Variants in AGBL4 observed in about 807,000 individuals in gnomAD.
AGBL4 encodes AGBL carboxypeptidase 4.
Under a neutral mutation model 66.4 loss-of-function variants are expected in AGBL4, and 58 were observed. The observed-to-expected ratio is 0.87, with a 90% CI of 0.71 to 1.09. The LOEUF (loss-of-function observed/expected upper bound fraction) is 1.09. AGBL4 is among the 50% of genes least tolerant of loss of function. The pLI is 0.00. For missense variants in AGBL4, 579 were observed against 631.0 expected, an observed-to-expected ratio of 0.92 and a Z score of 0.88; for synonymous variants, 234 against 222.9, an observed-to-expected ratio of 1.05 and a Z score of -0.44.
chr1:49,188,701 A>T (rs2148201902), intron 4 of AGBL4, among the ~76,000 whole-genome samples: 1 of 152,292 alleles, frequency 6.6e-6, no homozygotes, highest in African/African-American at 2.4e-5. Flanking sequence ...AACTTGGTAC[A>T]TCAGTAAGAC....
intron 3 of AGBL4, chr1:49,691,666 G>C (rs1646888538): frequency 6.6e-6 from 1 of 152,214 alleles, no homozygotes; most frequent in African/African-American, 2.4e-5. Flanking sequence ...TCCTGGGTGT[G>C]TCTGTGAGGA....
At chr1:48,924,694 T>C (rs1311090392) in intron 5 of AGBL4, among the ~76,000 whole-genome samples, 1 of 152,038 alleles carries the variant, frequency 6.6e-6, no homozygotes, top group Non-Finnish European at 1.5e-5. Context: ...CATATCCAAC[T>C]GTAGTATAAT....
At chr1:48,846,543 G>T (rs1233056496) in intron 6 of AGBL4, among the ~76,000 whole-genome samples, 4 of 152,072 alleles carry the variant, frequency 2.6e-5, no homozygotes, top group Non-Finnish European at 5.9e-5. Flanking sequence ...CTCTTATATT[G>T]CTTCATTGCC....
At chr1:49,483,034 T>C (rs573702529) in intron 3 of AGBL4, among the ~76,000 whole-genome samples, 1 of 152,016 alleles carries the variant, frequency 6.6e-6, no homozygotes, top group Non-Finnish European at 1.5e-5. Context: ...GTTTTATTTC[T>C]GATTATGTGA....
chr1:49,087,873 G>A (rs944458550), intron 4 of AGBL4, among the ~76,000 whole-genome samples: 3 of 152,176 alleles, frequency 2.0e-5, no homozygotes, highest in African/African-American at 7.2e-5. Flanking sequence ...AACCTCACCA[G>A]GCTAACAGAG....
intron 8 of AGBL4, among the ~76,000 whole-genome samples, chr1:48,652,572 T>C (rs1176797994): frequency 6.6e-6 from 1 of 152,104 alleles, no homozygotes; most frequent in Non-Finnish European, 1.5e-5. Context: ...ATCTTGAAAG[T>C]CGTGGGCCGA....
At chr1:49,393,376 A>C (rs1273034475) in intron 3 of AGBL4, among the ~76,000 whole-genome samples, 1 of 152,194 alleles carries the variant, frequency 6.6e-6, no homozygotes, top group Non-Finnish European at 1.5e-5. Context: ...AAGATTGTAC[A>C]ATCTGGTGCA....
At chr1:49,365,375 C>A (rs539314517) in intron 3 of AGBL4, among the ~76,000 whole-genome samples, 1 of 151,914 alleles carries the variant, frequency 6.6e-6, no homozygotes, top group Non-Finnish European at 1.5e-5. Context: ...ACAATAACAA[C>A]ATATACCACT....
At chr1:49,435,304 C>G (rs1645879777) in intron 3 of AGBL4, among the ~76,000 whole-genome samples, 1 of 152,122 alleles carries the variant, frequency 6.6e-6, no homozygotes, top group Non-Finnish European at 1.5e-5. Context: ...CAATATGGAG[C>G]ATAAAAATAA....
At chr1:48,565,121 A>T (rs1026136480) in intron 11 of AGBL4, among the ~76,000 whole-genome samples, 3 of 152,222 alleles carry the variant, frequency 2.0e-5, no homozygotes, top group Non-Finnish European at 4.4e-5. Flanking sequence ...GTTATTAATC[A>T]GTATCTTAAT....
At chr1:49,288,885 A>T (rs906401800) in intron 3 of AGBL4, among the ~76,000 whole-genome samples, 3 of 152,224 alleles carry the variant, frequency 2.0e-5, no homozygotes, top group Non-Finnish European at 4.4e-5. Context: ...CTGGTAAAAA[A>T]AAATTAAATC....
chr1:49,040,136 T>A (rs1425959698), intron 5 of AGBL4, among the ~76,000 whole-genome samples: 2 of 151,998 alleles, frequency 1.3e-5, no homozygotes, highest in African/African-American at 4.8e-5. Context: ...AAAACTCTTA[T>A]GAGAACCCAG....
At chr1:49,119,038 G>A (rs1025960146) in intron 4 of AGBL4, among the ~76,000 whole-genome samples, 1 of 152,144 alleles carries the variant, frequency 6.6e-6, no homozygotes, top group African/African-American at 2.4e-5. Flanking sequence ...GGGATTGGTG[G>A]TGATATCCTC....
At chr1:49,013,513 A>T (rs573844669) in intron 5 of AGBL4, among the ~76,000 whole-genome samples, 1 of 152,308 alleles carries the variant, frequency 6.6e-6, no homozygotes, top group Non-Finnish European at 1.5e-5. Context: ...GGGGCTTCAT[A>T]ATACCCAGGC....
chr1:48,850,598 C>T (rs909346750), intron 6 of AGBL4, among the ~76,000 whole-genome samples: 13 of 148,616 alleles, frequency 8.7e-5, no homozygotes, highest in Non-Finnish European at 1.8e-4. Context: ...GATCTCGGCT[C>T]ACTGCAACTT....
chr1:49,973,689 A>G (rs1658328551), intron 1 of AGBL4, among the ~76,000 whole-genome samples: 1 of 148,520 alleles, frequency 6.7e-6, no homozygotes, highest in Non-Finnish European at 1.5e-5. Flanking sequence ...TTATATAGAA[A>G]TGATATTGTT....
chr1:49,281,687 A>C (rs1223209151), intron 3 of AGBL4, among the ~76,000 whole-genome samples: 1 of 152,206 alleles, frequency 6.6e-6, no homozygotes, highest in African/African-American at 2.4e-5. Context: ...AACCCTTGGA[A>C]TCTTCAGAGT....
At chr1:49,027,954 G>A (rs1241124041) in intron 5 of AGBL4, among the ~76,000 whole-genome samples, 1 of 152,148 alleles carries the variant, frequency 6.6e-6, no homozygotes, top group East Asian at 1.9e-4. Flanking sequence ...CACTGTCCCT[G>A]CCCCCAGTTC....
intron 1 of AGBL4, among the ~76,000 whole-genome samples, chr1:49,933,505 CTGTCATACTGTAATGATAGAGTAT>C (rs1653582135): frequency 6.6e-6 from 1 of 151,962 alleles, no homozygotes; most frequent in South Asian, 2.1e-4. Context: ...AATTAGAATA[CTGTCATACTGTAATGATAGAGTAT>C]AAATAACTTG....
Sources: gnomAD v4.1 joint callset for allele counts (sites outside exome capture counted in the v4.1 genomes callset) on GRCh38, gnomAD v4.1.1 for gene constraint, MANE v1.5 for transcripts, NCBI Gene and HGNC (gene_info 2026-07-23, HGNC 2026-07-21) for gene names.